Variants in SESTD1 observed in about 807,000 individuals in gnomAD.
SESTD1 encodes SEC14 and spectrin domain containing 1, also known as SEC14 domain and spectrin repeat-containing protein 1.
In SESTD1, 43 loss-of-function variants were observed where a neutral mutation model predicts 101.7. The observed-to-expected ratio is 0.42, with a 90% CI of 0.33 to 0.55. The LOEUF is 0.55. Ranked by LOEUF, SESTD1 falls within the 20% of genes least tolerant of loss-of-function variation. The probability of loss-of-function intolerance (pLI) is 0.07; values close to 1 mark genes in which losing one functional copy is unlikely to be tolerated. For synonymous variants in SESTD1, 283 were observed against 286.8 expected, an observed-to-expected ratio of 0.99 and a Z score of 0.13; for missense variants, 647 against 815.1, an observed-to-expected ratio of 0.79 and a Z score of 2.51.
intron 1 of SESTD1, among the ~76,000 whole-genome samples, chr2:179,196,713 G>T (rs60006637): frequency 6.6e-6 from 1 of 152,056 alleles, no homozygotes; most frequent in Non-Finnish European, 1.5e-5. Flanking sequence ...CACCTCACAC[G>T]GCTGGGTACT....
chr2:179,245,877 C>G (rs976397004), intron 1 of SESTD1, among the ~76,000 whole-genome samples: 1 of 152,014 alleles, frequency 6.6e-6, no homozygotes, highest in African/African-American at 2.4e-5. Context: ...AAACATCACC[C>G]AACTAATTGC....
At chr2:179,181,933 C>A (rs2046118994) in intron 3 of SESTD1, among the ~76,000 whole-genome samples, 1 of 151,142 alleles carries the variant, frequency 6.6e-6, no homozygotes, top group Admixed American at 6.6e-5. Context: ...ATCATTTTCA[C>A]CCCCAGAAAC....
At chr2:179,161,750 T>G (rs1167135026) in intron 5 of SESTD1, among the ~76,000 whole-genome samples, 5 of 152,228 alleles carry the variant, frequency 3.3e-5, no homozygotes, top group Non-Finnish European at 7.3e-5. Flanking sequence ...CTTTTATACT[T>G]TTAAAAAACC....
intron 1 of SESTD1, among the ~76,000 whole-genome samples, chr2:179,222,564 T>C (rs2046829553): frequency 6.6e-6 from 1 of 152,182 alleles, no homozygotes; most frequent in African/African-American, 2.4e-5. Flanking sequence ...GTCCCAGCCT[T>C]ATCCTGATAC....
intron 17 of SESTD1, among the ~76,000 whole-genome samples, chr2:179,111,038 G>A (rs2044494535): frequency 6.6e-6 from 1 of 152,156 alleles, no homozygotes; most frequent in East Asian, 1.9e-4. Context: ...GGTGTTCCTA[G>A]GCTGACATGG....
At chr2:179,167,100 G>C (rs1465267956) in intron 5 of SESTD1, among the ~76,000 whole-genome samples, 2 of 152,160 alleles carry the variant, frequency 1.3e-5, no homozygotes, top group Non-Finnish European at 2.9e-5. Flanking sequence ...TGCAGATATA[G>C]GGACTATCAG....
chr2:179,212,831 C>A (rs538537193), intron 1 of SESTD1, among the ~76,000 whole-genome samples: 1 of 134,850 alleles, frequency 7.4e-6, no homozygotes, highest in African/African-American at 2.9e-5. Flanking sequence ...CTGCAGCCTC[C>A]GCTGGTGATA....
In SESTD1 at chr2:179,203,106, T is replaced by G; in HGVS notation, c.-25-11240A>C. Among the ~76,000 whole-genome samples the G allele has an allele frequency of 1.5e-5, 2 of 134,198 alleles. 1 individual carries two copies. The highest frequency in any genetic ancestry group is 3.2e-5 in the Non-Finnish European group (2 of 62,534). 88.0% of individuals were successfully genotyped at this position (134,198 alleles called of 152,430 possible). On this transcript the variant is annotated intron_variant, in intron 1 of 17. Transcript: ENST00000428443. ...TCCCAGATGGGAAACAATGAACAAC[T>G]CTTCTGACAGATGGTTAATCACAAA...
intron 5 of SESTD1, among the ~76,000 whole-genome samples, chr2:179,167,002 T>C (rs1050478003): frequency 6.6e-6 from 1 of 151,864 alleles, no homozygotes; most frequent in Non-Finnish European, 1.5e-5. Flanking sequence ...TAACATTCAA[T>C]AAAAAATAAC....
At chr2:179,181,772 T>C (rs1280771054) in intron 3 of SESTD1, among the ~76,000 whole-genome samples, 1 of 152,170 alleles carries the variant, frequency 6.6e-6, no homozygotes, top group African/African-American at 2.4e-5. Context: ...TCATAATTTG[T>C]AAGCTATAAG....
chr2:179,119,961 T>C (rs1210507052), intron 13 of SESTD1, among the ~76,000 whole-genome samples: 1 of 152,136 alleles, frequency 6.6e-6, no homozygotes, highest in Non-Finnish European at 1.5e-5. Flanking sequence ...CCGGGTGCGG[T>C]GGCTCACGCC....
intron 2 of SESTD1, among the ~76,000 whole-genome samples, chr2:179,189,204 G>A (rs1013087308): frequency 1.3e-5 from 2 of 152,128 alleles, no homozygotes; most frequent in African/African-American, 2.4e-5. Flanking sequence ...GAATCTCACA[G>A]CAAACCAAAA....
chr2:179,226,174 C>T (rs2046882671), intron 1 of SESTD1, among the ~76,000 whole-genome samples: 1 of 152,094 alleles, frequency 6.6e-6, no homozygotes, highest in South Asian at 2.1e-4. Context: ...TTCAAAATCT[C>T]AAGGGAAGGC....
At chr2:179,249,212 T>TAA (rs58597141) in intron 1 of SESTD1, among the ~76,000 whole-genome samples, 27,710 of 125,748 alleles carry the variant, frequency 0.22, 4,000 homozygotes, top group African/African-American at 0.4. Flanking sequence ...GCATACAGAT[T>TAA]AAAAAAAAAA....
intron 10 of SESTD1, among the ~76,000 whole-genome samples, chr2:179,129,352 T>A (rs1159048384): frequency 6.6e-6 from 1 of 152,254 alleles, no homozygotes; most frequent in Non-Finnish European, 1.5e-5. Flanking sequence ...AAATTTATTG[T>A]CAGTTACTAT....
intron 1 of SESTD1, among the ~76,000 whole-genome samples, chr2:179,214,444 T>A (rs1457985978): frequency 7.4e-6 from 1 of 134,394 alleles, no homozygotes; most frequent in African/African-American, 2.9e-5. Flanking sequence ...GAGCTAACTA[T>A]CCTAAATATA....
chr2:179,243,636 C>T (rs908077964), intron 1 of SESTD1, among the ~76,000 whole-genome samples: 4 of 151,988 alleles, frequency 2.6e-5, no homozygotes, highest in African/African-American at 9.7e-5. Context: ...AGGACATCAT[C>T]GTAAGTGAAT....
At chr2:179,187,127 T>C (rs1003285131) in intron 2 of SESTD1, among the ~76,000 whole-genome samples, 4 of 151,708 alleles carry the variant, frequency 2.6e-5, no homozygotes, top group African/African-American at 9.8e-5. Context: ...GTTCTAAATA[T>C]GGTAACAAAA....
At chr2:179,226,558 G>A (rs544590182) in intron 1 of SESTD1, among the ~76,000 whole-genome samples, 1 of 152,186 alleles carries the variant, frequency 6.6e-6, no homozygotes, top group South Asian at 2.1e-4. Context: ...ATCCACTCAC[G>A]CTGATATGTG....
Sources: allele counts gnomAD v4.1 joint callset (sites outside exome capture counted in the v4.1 genomes callset), GRCh38; gene constraint gnomAD v4.1.1; transcripts MANE v1.5; gene names NCBI Gene and HGNC (gene_info 2026-07-23, HGNC 2026-07-21).